KLHL31: variants seen among roughly 807,000 people sequenced by gnomAD.
KLHL31 encodes kelch-like protein 31.
Under a neutral mutation model 47.1 loss-of-function variants are expected in KLHL31, and 32 were observed. The ratio of observed to expected loss-of-function variants is 0.68; its 90% CI spans 0.51 to 0.91. The LOEUF is 0.91. Among genes scored for constraint, KLHL31 ranks in the 40% least tolerant of loss-of-function variants. The probability of loss-of-function intolerance (pLI) is 0.00; values close to 1 mark genes in which losing one functional copy is unlikely to be tolerated. For missense variants in KLHL31, 797 were observed against 819.3 expected, an observed-to-expected ratio of 0.97 and a Z score of 0.33; for synonymous variants, 330 against 325.1, an observed-to-expected ratio of 1.01 and a Z score of -0.16.
At position 53,654,720 on chromosome 6, in the gene KLHL31, T is replaced by G. The variant is rs755110943; in HGVS notation, c.553A>C (p.Lys185Gln). The G allele has an allele frequency of 6.2e-7, 1 of 1,614,212 alleles. No homozygotes were observed. The highest frequency in any genetic ancestry group is 8.5e-7 in the Non-Finnish European group (1 of 1,180,032). Residue 185 changes from lysine to glutamine, a missense_variant, in exon 2 of 3, where the codon AAA becomes CAA. By Grantham distance (53) the Lys-to-Gln change is moderately conservative. Coordinates refer to ENST00000370905, the MANE Select transcript of KLHL31 (RefSeq NM_001003760.5). ...TTCTGGGCTGCTGCTTTTGCATTTTTTAGGGAGTATGTTTCAGCAATATTA... is the reference window on the plus strand; with the variant it reads ...TTCTGGGCTGCTGCTTTTGCATTTTGTAGGGAGTATGTTTCAGCAATATTA... The part of the protein sequence containing the change: ...VVNIAETYSL[K>Q]NAKAAAQKFI...
rs1040436216 is a variant in KLHL31, at chr6:53,649,051, A to T, written c.*2547T>A. 1.3e-5 allele frequency: 2 copies of T among 152,194 alleles called. No homozygotes were observed. The highest frequency in any genetic ancestry group is 4.8e-5 in the African/African-American group (2 of 41,456). 9.4% of individuals were successfully genotyped at this position (152,194 alleles called of 1,614,324 possible). A position where few individuals can be genotyped will look rare whatever the true frequency, so the allele number is the denominator to read the frequency against. ...CTGGAGTAATTGAATGTAAGCTTAAAACATACTAAATATTTTCCACTTGGG... is the reference window on the plus strand; with the variant it reads ...CTGGAGTAATTGAATGTAAGCTTAATACATACTAAATATTTTCCACTTGGG... On this transcript the variant is annotated 3_prime_UTR_variant, in exon 3 of 3. Coordinates refer to ENST00000370905, the MANE Select transcript of KLHL31 (RefSeq NM_001003760.5).
rs556896530 is a variant in KLHL31 at position 53,650,431 on chromosome 6, C to T, written c.*1167G>A. The T allele has an allele frequency of 1.3e-5, 2 of 152,028 alleles. No homozygotes were observed. Among genetic ancestry groups the T allele is most frequent in the African/African-American group, 2.4e-5 (1 of 41,360 alleles). 9.4% of individuals were successfully genotyped at this position (152,028 alleles called of 1,614,324 possible). On this transcript the variant is annotated 3_prime_UTR_variant, in exon 3 of 3. Transcript: ENST00000370905. ...CAGAATGAGTATATATTTTTATATA[C>T]GTGAGATGAGTGCTTGATTTTTACT...
chr6:53,657,279 C>T (rs1164474597), intron 1 of KLHL31, among the ~76,000 whole-genome samples: 5 of 152,150 alleles, frequency 3.3e-5, no homozygotes, highest in Non-Finnish European at 7.3e-5. Context: ...CTCATCATGA[C>T]TGATTTCAAG....
intron 1 of KLHL31, among the ~76,000 whole-genome samples, chr6:53,662,925 T>C (rs528766462): frequency 1.3e-5 from 2 of 152,326 alleles, no homozygotes; most frequent in East Asian, 1.9e-4. Context: ...AAAACAGCTA[T>C]ATAGCTAGCA....
intron 1 of KLHL31, among the ~76,000 whole-genome samples, chr6:53,657,042 C>T (rs992264010): frequency 2.0e-5 from 3 of 148,550 alleles, no homozygotes; most frequent in African/African-American, 5.0e-5. Context: ...AAGCAGTCCT[C>T]CCACCTCAGC....
rs372071786 is a variant in KLHL31 at position 53,664,320 on chromosome 6, T to C, written c.-34+1281A>G. On this transcript the variant is annotated intron_variant, in intron 1 of 2. Transcript: ENST00000370905. ...ATGTAGCTGGATGACCTGACTTGTA[T>C]CTGGCATTCCTGATCAGGGCTGGGT... Among the ~76,000 whole-genome samples the C allele has an allele frequency of 3.4e-4, 52 of 152,352 alleles. No individual in the cohort carries two copies. In the South Asian group the frequency reaches 0.011, roughly 32 times the overall value.
chr6:53,657,315 A>G (rs1479414558), intron 1 of KLHL31, among the ~76,000 whole-genome samples: 1 of 152,280 alleles, frequency 6.6e-6, no homozygotes, highest in East Asian at 1.9e-4. Context: ...CAATTAGTTT[A>G]CCAAATTTCT....
At chr6:53,652,755 T>C (rs750718182) in intron 2 of KLHL31, among the ~76,000 whole-genome samples, 1 of 152,188 alleles carries the variant, frequency 6.6e-6, no homozygotes, top group Non-Finnish European at 1.5e-5. Flanking sequence ...CATATTAAAG[T>C]CAATTCTGCA....
At chr6:53,662,821 C>T (rs760548867) in intron 1 of KLHL31, among the ~76,000 whole-genome samples, 10 of 152,014 alleles carry the variant, frequency 6.6e-5, no homozygotes, top group Non-Finnish European at 1.0e-4. Flanking sequence ...TTTGTATTTG[C>T]CAAATTTAAG....
rs532779269 is a variant in KLHL31 at position 53,649,746 on chromosome 6, AAT to A, written c.*1850_*1851del. The A allele has an allele frequency of 6.6e-5, 10 of 152,282 alleles. No individual in the cohort carries two copies. In the East Asian group the frequency reaches 1.5e-3, roughly 23 times the overall value. The allele number at this position is 152,282 out of a possible 1,614,324, so 9.4% of individuals were successfully genotyped here. ...ACAATAAAACACCCTTTTCTCCAAA[AAT>A]TAACCATATACTATAGGCTTCTCAG... On this transcript the variant is annotated 3_prime_UTR_variant, in exon 3 of 3. Coordinates refer to ENST00000370905, the MANE Select transcript of KLHL31 (RefSeq NM_001003760.5).
chr6:53,651,865 G>T lies in KLHL31; in HGVS notation c.1638C>A (p.Ser546Arg). The T allele has an allele frequency of 6.2e-7, 1 of 1,602,670 alleles. No individual in the cohort carries two copies. The highest frequency in any genetic ancestry group is 2.2e-5 in the East Asian group (1 of 44,752). Residue 546 changes from serine to arginine, a missense_variant, in exon 3 of 3, where the codon AGC (serine) becomes AGA (arginine). Physicochemically the swap from Ser to Arg is moderately radical, Grantham distance 110 (BLOSUM62 -1). Transcript: ENST00000370905. The stretch of plus-strand genomic sequence containing the variant: ...CTCCCACCTGCAGCGGCGCCGCGTA[G>T]CTCCACTGGCCGGTCGCGGGGCTGT... ...ECYSPATGQW[S>R]YAAPLQVGVS...
At chr6:53,661,506 C>CA (rs1764645035) in intron 1 of KLHL31, among the ~76,000 whole-genome samples, 1 of 152,064 alleles carries the variant, frequency 6.6e-6, no homozygotes, top group South Asian at 2.1e-4. Flanking sequence ...GGAAAGAAGT[C>CA]ATAAAAGGCC....
At chr6:53,665,005 C>T (rs1764698634) in intron 1 of KLHL31, among the ~76,000 whole-genome samples, 1 of 151,712 alleles carries the variant, frequency 6.6e-6, no homozygotes, top group African/African-American at 2.4e-5. Flanking sequence ...ATGATATGTG[C>T]ACATTTAAGA....
At position 53,654,705 on chromosome 6, in the gene KLHL31, C is replaced by T; in HGVS notation, c.568G>A (p.Ala190Thr). 2 of 1,614,182 alleles carry T rather than the reference C, an allele frequency of 1.2e-6. No homozygotes were observed. Among genetic ancestry groups the T allele is most frequent in the Non-Finnish European group, 1.7e-6 (2 of 1,180,028 alleles). The change falls in exon 2 of 3, where the codon GCA (alanine) becomes ACA (threonine). Residue 190 changes from alanine (A) to threonine (T), a missense_variant. Ala to Thr is a moderately conservative substitution (Grantham distance 58, BLOSUM62 0). Transcript: ENST00000370905. ...TTATCCCGAATAAATTTCTGGGCTGCTGCTTTTGCATTTTTTAGGGAGTAT... is the reference window on the plus strand; with the variant it reads ...TTATCCCGAATAAATTTCTGGGCTGTTGCTTTTGCATTTTTTAGGGAGTAT... ...ETYSLKNAKA[A>T]AQKFIRDNFL...
intron 2 of KLHL31, 64 bp downstream of exon 2, chr6:53,654,037 T>G: frequency 2.9e-6 from 4 of 1,356,182 alleles, no homozygotes; most frequent in Non-Finnish European, 4.0e-6. Context: ...TTAATTTACT[T>G]CTATGTTAGG....
Position 53,649,298 on chromosome 6 carries a change from T to G in KLHL31, c.*2300A>C, listed in dbSNP as rs145280897. On this transcript the variant is annotated 3_prime_UTR_variant, in exon 3 of 3. Transcript: ENST00000370905. ...ATGTCAGAAATTCTGACATTCCAAATTCATATTGGTCTTTATTTTCCTAAC... is the reference window on the plus strand; with the variant it reads ...ATGTCAGAAATTCTGACATTCCAAAGTCATATTGGTCTTTATTTTCCTAAC... The G allele has an allele frequency of 6.6e-6, 1 of 152,272 alleles. No homozygotes were observed. Among genetic ancestry groups the G allele is most frequent in the South Asian group, 2.1e-4 (1 of 4,826 alleles). 9.4% of individuals were successfully genotyped at this position (152,272 alleles called of 1,614,324 possible).
rs777714388 is a variant in KLHL31 at position 53,651,964 on chromosome 6, G to A, written c.1539C>T (p.Asp513=). The A allele has an allele frequency of 2.5e-6, 4 of 1,593,186 alleles. No individual in the cohort carries two copies. The Admixed American group carries it at 6.8e-5, about 27-fold the overall frequency. The part of the protein sequence containing the change: ...RGWHCAVTLS[D]RVYVMGGSQL... ...GGCTGCCGCCCATCACGTACACTCT[G>A]TCGCTCAGCGTGACCGCGCAGTGCC... Residue 513 remains aspartate, a synonymous_variant, in exon 3 of 3, where the codon GAC becomes GAT. Transcript: ENST00000370905.
Position 53,660,216 on chromosome 6 carries a change from T to C in KLHL31, c.-33-4911A>G, listed in dbSNP as rs141726388. Among the ~76,000 whole-genome samples the C allele has an allele frequency of 6.9e-3, 1,043 of 152,162 alleles. 13 individuals carry two copies. The highest frequency in any genetic ancestry group is 0.024 in the African/African-American group (984 of 41,510). ...ATACATATATTTATATATATGTATATATATACTGACTTGCTGAATATACCA... is the reference window on the plus strand; with the variant it reads ...ATACATATATTTATATATATGTATACATATACTGACTTGCTGAATATACCA... On this transcript the variant is annotated intron_variant, in intron 1 of 2. Coordinates refer to ENST00000370905, the MANE Select transcript of KLHL31 (RefSeq NM_001003760.5).
chr6:53,662,214 T>C (rs930911918), intron 1 of KLHL31, among the ~76,000 whole-genome samples: 1 of 152,190 alleles, frequency 6.6e-6, no homozygotes, highest in Non-Finnish European at 1.5e-5. Context: ...TCTCCATTTT[T>C]CCTAAATGAC....
Sources: allele counts gnomAD v4.1 joint callset (sites outside exome capture counted in the v4.1 genomes callset), GRCh38; gene constraint gnomAD v4.1.1; transcripts MANE v1.5; gene names NCBI Gene and HGNC (gene_info 2026-07-23, HGNC 2026-07-21).